PPIP5K2: variants seen among roughly 807,000 people sequenced by gnomAD.
PPIP5K2 encodes the protein diphosphoinositol pentakisphosphate kinase 2, also known as inositol hexakisphosphate and diphosphoinositol-pentakisphosphate kinase 2.
In PPIP5K2, 105 loss-of-function variants were observed where a neutral mutation model predicts 154.6. The observed-to-expected ratio is 0.68, with a 90% confidence interval of 0.58 to 0.80. PPIP5K2 has a LOEUF of 0.80. Ranked by LOEUF, PPIP5K2 falls within the 30% of genes least tolerant of loss-of-function variation. The pLI is 0.00. For synonymous variants in PPIP5K2, 480 were observed against 490.3 expected, an observed-to-expected ratio of 0.98 and a Z score of 0.28; for missense variants, 992 against 1,504.6, an observed-to-expected ratio of 0.66 and a Z score of 5.64.
At chr5:103,186,223 A>T (rs1270870257) in intron 26 of PPIP5K2, 97 bp from the exon 27 acceptor site, 7 of 1,507,532 alleles carry the variant, frequency 4.6e-6, no homozygotes, top group Non-Finnish European at 6.4e-6. Flanking sequence ...AGGTTGCCTT[A>T]TATGTGGTAA....
intron 23 of PPIP5K2, 138 bp from the exon 24 acceptor site, chr5:103,179,883 C>G: frequency 1.5e-6 from 1 of 649,900 alleles, no homozygotes; most frequent in Non-Finnish European, 2.4e-6. Flanking sequence ...TAGAAGAGTT[C>G]AATTAATGTT....
rs1181564251 is a variant in PPIP5K2 at position 103,194,738 on chromosome 5, C to G, written c.3494-162C>G. 8.9e-6 allele frequency: 6 copies of G among 674,498 alleles called. No individual in the cohort carries two copies. The East Asian group carries it at 1.8e-4, about 20-fold the overall frequency. 41.8% of individuals were successfully genotyped at this position (674,498 alleles called of 1,614,324 possible). A position where few individuals can be genotyped will look rare whatever the true frequency, so the allele number is the denominator to read the frequency against. On this transcript the variant is annotated intron_variant, in intron 29 of 30. Transcript: ENST00000358359. ...TTGTCTAAGGCCATAACAGAACTAT[C>G]TTTTTATTAAAAAAAGGTGATTTTG...
At position 103,154,825 on chromosome 5, in the gene PPIP5K2, A is replaced by G. The variant is rs1795153490; in HGVS notation, c.1294-9A>G. 6 of 1,560,702 alleles carry G rather than the reference A, an allele frequency of 3.8e-6. No individual in the cohort carries two copies. Among genetic ancestry groups the G allele is most frequent in the Non-Finnish European group, 4.3e-6 (5 of 1,157,718 alleles). On this transcript the variant is annotated splice_polypyrimidine_tract_variant and intron_variant, in intron 12 of 30. Coordinates refer to ENST00000358359, the MANE Select transcript of PPIP5K2 (RefSeq NM_001276277.3). ...TAAAAATTCAATTTTTTATTAATTT[A>G]TTTTATAGGAAGTGCTAGATATTGC...
At chr5:103,159,371 C>A in intron 17 of PPIP5K2, 43 bp downstream of exon 17, 5 of 1,464,478 alleles carry the variant, frequency 3.4e-6, no homozygotes, top group Non-Finnish European at 4.6e-6. Flanking sequence ...ATTACACACA[C>A]ACAGAAAAGT....
chr5:103,172,922 G>A (rs1454324187), intron 19 of PPIP5K2, among the ~76,000 whole-genome samples: 6 of 151,558 alleles, frequency 4.0e-5, no homozygotes, highest in Admixed American at 6.6e-5. Flanking sequence ...TTCATTCTCC[G>A]CCTTCAGAAA....
At chr5:103,176,939 CCTT>C (rs782683447) in intron 21 of PPIP5K2, 130 of 1,428,152 alleles carry the variant, frequency 9.1e-5, no homozygotes, top group South Asian at 2.9e-4. Flanking sequence ...ACATATGCCT[CCTT>C]CTTCTGATTT....
At chr5:103,176,713 G>A (rs370959114) in intron 21 of PPIP5K2, among the ~76,000 whole-genome samples, 3 of 151,954 alleles carry the variant, frequency 2.0e-5, no homozygotes, top group Admixed American at 6.6e-5. Flanking sequence ...TGTGATGTAC[G>A]TATAATTTAA....
rs2149779978 is a variant in PPIP5K2 at position 103,186,412 on chromosome 5, A to C, written c.3262A>C (p.Lys1088Gln). The C allele has an allele frequency of 6.2e-7, 1 of 1,613,946 alleles. No homozygotes were observed. Among genetic ancestry groups the C allele is most frequent in the East Asian group, 2.2e-5 (1 of 44,876 alleles). ...LQDYARTHRK[K>Q]LTSSGCIDDA... ...GGATTATGCTCGTACTCATCGTAAA[A>C]AGCTGACCTCTTCTGGCTGCATAGA... Residue 1088 changes from lysine to glutamine, a missense_variant, in exon 27 of 31, where the codon AAG becomes CAG. This residue lies in a region of PPIP5K2 where 204 missense variants were observed against 224.0 expected (regional missense o/e 0.91). Coordinates refer to ENST00000358359, the MANE Select transcript of PPIP5K2 (RefSeq NM_001276277.3).
At position 103,125,516 on chromosome 5, in the gene PPIP5K2, G is replaced by GA. The variant is rs1300629198; in HGVS notation, c.-284-3781dup. Among the ~76,000 whole-genome samples, 11 of 147,572 alleles carry GA rather than the reference G, an allele frequency of 7.5e-5. No individual in the cohort carries two copies. The South Asian group carries it at 1.3e-3, about 17-fold the overall frequency. The stretch of plus-strand genomic sequence containing the variant: ...TCTCATATACTAAAGTGGAATAACA[G>GA]AAAAAAAAAGAAAGGCTTCCTTCAC... On this transcript the variant is annotated intron_variant, in intron 1 of 30. Transcript: ENST00000358359.
Position 103,158,294 on chromosome 5 carries a change from T to A in PPIP5K2, c.1596T>A (p.Cys532Ter), listed in dbSNP as rs782683005. 8.0e-5 allele frequency: 129 copies of A among 1,613,820 alleles called. No individual in the cohort carries two copies. The highest frequency in any genetic ancestry group is 1.1e-4 in the Non-Finnish European group (126 of 1,179,930). ...QAEELGRAFR[C>*]MYPGGQGDYA... Reference sequence around the variant, plus strand: ...AAGAACTTGGAAGAGCCTTCAGGTGTATGTATCCTGGAGGTCAAGGTAAAT... The same window carrying A: ...AAGAACTTGGAAGAGCCTTCAGGTGAATGTATCCTGGAGGTCAAGGTAAAT... The change falls in exon 15 of 31, where the codon TGT (cysteine) becomes TGA (stop). Residue 532 changes from cysteine (C) to a stop codon, truncating the protein, a stop_gained. Transcript: ENST00000358359. LOFTEE classifies it high-confidence loss of function.
At position 103,178,433 on chromosome 5, in the gene PPIP5K2, C is replaced by T. The variant is rs112488936; in HGVS notation, c.2754+453C>T. On this transcript the variant is annotated intron_variant, in intron 23 of 30. Transcript: ENST00000358359. ...ATTGGTTGGTTTCTGAATTTTTAGT[C>T]TTACTTGATTGCTCTATTTGTCTCT... is the stretch of plus-strand genomic sequence containing the variant. 5.7e-3 allele frequency among the ~76,000 whole-genome samples: 871 copies of T among 151,938 alleles called. 6 individuals are homozygous for T. Among genetic ancestry groups the T allele is most frequent in the African/African-American group, 0.02 (834 of 41,520 alleles).
At chr5:103,143,712 A>G (rs1281465733) in intron 5 of PPIP5K2, among the ~76,000 whole-genome samples, 1 of 152,222 alleles carries the variant, frequency 6.6e-6, no homozygotes, top group Non-Finnish European at 1.5e-5. Flanking sequence ...TGATGGAGAA[A>G]AAGCATTTGA....
chr5:103,120,575 C>T, intron 1 of PPIP5K2, 87 bp downstream of exon 1: 1 of 454,626 alleles, frequency 2.2e-6, no homozygotes, highest in Admixed American at 2.4e-5. Flanking sequence ...TGCTTTGTCT[C>T]CTGTGCTCTG....
chr5:103,155,282 T>C (rs1229142069), intron 13 of PPIP5K2, among the ~76,000 whole-genome samples: 1 of 151,902 alleles, frequency 6.6e-6, no homozygotes, highest in African/African-American at 2.4e-5. Context: ...GTAAAATGGA[T>C]ACCCACCAAT....
intron 14 of PPIP5K2, among the ~76,000 whole-genome samples, chr5:103,157,763 T>C (rs1216864144): frequency 6.6e-6 from 1 of 151,558 alleles, no homozygotes; most frequent in East Asian, 1.9e-4. Context: ...TTTTCTTTCA[T>C]GGGACAGCAC....
At chr5:103,142,860 C>T (rs1793072425) in intron 5 of PPIP5K2, among the ~76,000 whole-genome samples, 2 of 151,928 alleles carry the variant, frequency 1.3e-5, no homozygotes, top group East Asian at 3.9e-4. Context: ...ACATAATACT[C>T]TAACACTGTC....
chr5:103,163,771 G>T (rs782702299), intron 17 of PPIP5K2, among the ~76,000 whole-genome samples: 13 of 151,670 alleles, frequency 8.6e-5, no homozygotes, highest in Non-Finnish European at 1.5e-4. Flanking sequence ...ACAGTTTTTT[G>T]AATGTGAAAC....
intron 15 of PPIP5K2, 65 bp downstream of exon 15, chr5:103,158,378 T>C: frequency 6.3e-7 from 1 of 1,594,386 alleles, no homozygotes; most frequent in South Asian, 1.1e-5. Flanking sequence ...TCCTCATTTG[T>C]GATGTTATTA....
Position 103,158,447 on chromosome 5 carries a change from T to C in PPIP5K2, c.1616-5T>C, listed in dbSNP as rs1795745042. The C allele has an allele frequency of 1.2e-6, 2 of 1,601,360 alleles. No homozygotes were observed. Among genetic ancestry groups the C allele is most frequent in the Non-Finnish European group, 1.7e-6 (2 of 1,176,932 alleles). ...AGCTGAAGTGATTTGAGGATTTATT[T>C]TCAGGAGATTATGCAGGATTTCCTG... On this transcript the variant is annotated splice_polypyrimidine_tract_variant and splice_region_variant and intron_variant, in intron 15 of 30. Transcript: ENST00000358359.
Sources: gnomAD v4.1 joint callset for allele counts (sites outside exome capture counted in the v4.1 genomes callset) on GRCh38, gnomAD v4.1.1 for gene constraint, gnomAD v4.1.1 regional missense constraint, MANE v1.5 for transcripts, NCBI Gene and HGNC (gene_info 2026-07-23, HGNC 2026-07-21) for gene names.